PTPRT: variants seen among roughly 807,000 people sequenced by gnomAD.
PTPRT encodes the protein receptor-type tyrosine-protein phosphatase T.
In PTPRT, 56 loss-of-function variants were observed where a neutral mutation model predicts 176.8. That is an observed-to-expected ratio of 0.32 (90% CI 0.26 to 0.40). The LOEUF (loss-of-function observed/expected upper bound fraction) is 0.40, where lower values mean the gene tolerates loss of function less well. PTPRT is among the 10% of genes least tolerant of loss of function. The probability of loss-of-function intolerance (pLI) is 1.00; values close to 1 mark genes in which losing one functional copy is unlikely to be tolerated. For missense variants in PTPRT, 1,540 were observed against 1,908.2 expected, an observed-to-expected ratio of 0.81 and a Z score of 3.60; for synonymous variants, 783 against 739.0, an observed-to-expected ratio of 1.06 and a Z score of -0.96.
chr20:42,579,091 A>T lies in PTPRT; in HGVS notation c.1153+98775T>A, dbSNP rs1460117582. ...ACCCCACAACAGGCCCTGGTGTGTG[A>T]TGTTCCCCTTCCTGTGTCCATGTGT... On this transcript the variant is annotated intron_variant, in intron 7 of 30. Coordinates refer to ENST00000373187, the MANE Select transcript of PTPRT (RefSeq NM_007050.6). Among the ~76,000 whole-genome samples, 6 of 117,842 alleles carry T rather than the reference A, an allele frequency of 5.1e-5. No homozygotes were observed. In the East Asian group the frequency reaches 1.3e-3, roughly 26 times the overall value. 77.3% of individuals were successfully genotyped at this position (117,842 alleles called of 152,430 possible). A position where few individuals can be genotyped will look rare whatever the true frequency, so the allele number is the denominator to read the frequency against.
Position 43,060,005 on chromosome 20 carries a change from A to T in PTPRT, c.88+129641T>A, listed in dbSNP as rs374190389. ...GTGAGACTTTGTCTAAAAAAAAAAA[A>T]ATACATTATTTTATTTTTGTTATTA... On this transcript the variant is annotated intron_variant, in intron 1 of 30. Transcript: ENST00000373187. Among the ~76,000 whole-genome samples, 8 of 152,074 alleles carry T rather than the reference A, an allele frequency of 5.3e-5. No homozygotes were observed. In the East Asian group the frequency reaches 1.2e-3, roughly 22 times the overall value.
intron 1 of PTPRT, among the ~76,000 whole-genome samples, chr20:43,020,176 AATTACATAT>A (rs1985601813): frequency 6.8e-6 from 1 of 147,846 alleles, no homozygotes; most frequent in South Asian, 2.1e-4. Flanking sequence ...GTCTCTATAT[AATTACATAT>A]ATAAGTAATA....
chr20:42,688,544 A>G (rs2075738965), intron 6 of PTPRT: 2 of 152,174 alleles, frequency 1.3e-5, no homozygotes, highest in African/African-American at 4.8e-5. Context: ...CCTTCAATAA[A>G]AACCCTCTGT....
intron 7 of PTPRT, among the ~76,000 whole-genome samples, chr20:42,475,867 C>T (rs1022888573): frequency 6.6e-6 from 1 of 152,156 alleles, no homozygotes; most frequent in African/African-American, 2.4e-5. Context: ...TGCCACACAG[C>T]AAAGAGACTC....
At chr20:42,403,400 T>C (rs535860908) in intron 9 of PTPRT, among the ~76,000 whole-genome samples, 1 of 152,318 alleles carries the variant, frequency 6.6e-6, no homozygotes, top group East Asian at 1.9e-4. Context: ...TATGTTGGAC[T>C]TGTACTGTTA....
At chr20:42,198,822 GAC>G (rs898452174) in intron 16 of PTPRT, among the ~76,000 whole-genome samples, 6 of 152,176 alleles carry the variant, frequency 3.9e-5, no homozygotes, top group African/African-American at 1.4e-4. Flanking sequence ...TCAGAGTGGA[GAC>G]AGTCATAATC....
chr20:42,083,118 C>CAAAAAAAAAA (rs3084622), intron 29 of PTPRT, among the ~76,000 whole-genome samples: 2 of 60,062 alleles, frequency 3.3e-5, no homozygotes, highest in African/African-American at 1.7e-4. Context: ...GACACTAGTG[C>CAAAAAAAAAA]AAAAAAAAAA....
chr20:42,363,290 ATATATATATATTTTTT>A (rs1415486991), intron 9 of PTPRT, among the ~76,000 whole-genome samples: 6 of 25,676 alleles, frequency 2.3e-4, no homozygotes, highest in African/African-American at 9.6e-4. Context: ...ATATATATAT[ATATATATATATTTTTT>A]TTTTTTTTTT....
At chr20:42,113,194 C>G (rs1987097093) in intron 22 of PTPRT, among the ~76,000 whole-genome samples, 1 of 152,160 alleles carries the variant, frequency 6.6e-6, no homozygotes, top group Admixed American at 6.5e-5. Flanking sequence ...AGGGCATCTC[C>G]CTGTGAGTAA....
At chr20:42,900,911 C>T (rs925097209) in intron 1 of PTPRT, among the ~76,000 whole-genome samples, 4 of 152,118 alleles carry the variant, frequency 2.6e-5, no homozygotes, top group Non-Finnish European at 4.4e-5. Context: ...TAAAACCCCT[C>T]GTGGCCTCTG....
At chr20:43,153,803 G>C (rs959745469) in intron 1 of PTPRT, among the ~76,000 whole-genome samples, 3 of 152,218 alleles carry the variant, frequency 2.0e-5, no homozygotes, top group African/African-American at 7.2e-5. Flanking sequence ...AATTTCCACA[G>C]AGGCTGGCAA....
chr20:42,681,207 T>C (rs6072823), intron 6 of PTPRT, among the ~76,000 whole-genome samples: 40,243 of 152,058 alleles, frequency 0.26, 5,652 homozygotes, highest in Non-Finnish European at 0.3. Context: ...TAAGATGAAC[T>C]CTTCAAGAAG....
intron 7 of PTPRT, among the ~76,000 whole-genome samples, chr20:42,487,480 C>G (rs990214210): frequency 6.6e-6 from 1 of 152,104 alleles, no homozygotes; most frequent in Admixed American, 6.5e-5. Flanking sequence ...TCTTACATGG[C>G]AAAAAGAACA....
intron 1 of PTPRT, among the ~76,000 whole-genome samples, chr20:43,003,052 A>C (rs1984664417): frequency 6.6e-6 from 1 of 152,226 alleles, no homozygotes; most frequent in Non-Finnish European, 1.5e-5. Context: ...AGAATTTCAA[A>C]GTTTCATTCA....
intron 8 of PTPRT, among the ~76,000 whole-genome samples, chr20:42,469,454 C>G (rs2071156363): frequency 6.6e-6 from 1 of 152,204 alleles, no homozygotes; most frequent in African/African-American, 2.4e-5. Context: ...CTGCCCTCCT[C>G]AGCCTCCCAG....
In PTPRT at chr20:42,530,034, T is replaced by C. The variant is rs575543935; in HGVS notation, c.1154-57472A>G. 5.9e-5 allele frequency among the ~76,000 whole-genome samples: 9 copies of C among 152,220 alleles called. No individual in the cohort carries two copies. In the East Asian group the frequency reaches 1.7e-3, roughly 29 times the overall value. On this transcript the variant is annotated intron_variant, in intron 7 of 30. Transcript: ENST00000373187. ...TTACCTGAAAGAGCACAGCAAGGCT[T>C]TTTGTTACATTGGGTTGTGTTGATC... is the stretch of plus-strand genomic sequence containing the variant.
chr20:42,373,796 C>T (rs548926819), intron 9 of PTPRT, among the ~76,000 whole-genome samples: 3 of 152,304 alleles, frequency 2.0e-5, no homozygotes, highest in Admixed American at 2.0e-4. Flanking sequence ...CTGTTTGAGT[C>T]CAAGTCCAGC....
chr20:42,705,466 G>A (rs971565707), intron 6 of PTPRT, among the ~76,000 whole-genome samples: 12 of 151,912 alleles, frequency 7.9e-5, no homozygotes, highest in Non-Finnish European at 1.2e-4. Context: ...GGGTGGGGAG[G>A]AATGTTACAA....
chr20:43,040,159 C>G (rs1986548090), intron 1 of PTPRT, among the ~76,000 whole-genome samples: 1 of 152,110 alleles, frequency 6.6e-6, no homozygotes. Context: ...ATGCCAAACA[C>G]TAAATAACAC....
Sources: allele counts gnomAD v4.1 joint callset (sites outside exome capture counted in the v4.1 genomes callset), GRCh38; gene constraint gnomAD v4.1.1; transcripts MANE v1.5; gene names NCBI Gene and HGNC (gene_info 2026-07-23, HGNC 2026-07-21).